GPX7: variants seen among roughly 807,000 people sequenced by gnomAD.
GPX7 encodes glutathione peroxidase 7.
Under a neutral mutation model 23.7 loss-of-function variants are expected in GPX7, and 21 were observed. The ratio of observed to expected loss-of-function variants is 0.89; its 90% confidence interval spans 0.63 to 1.28. The LOEUF (loss-of-function observed/expected upper bound fraction) is 1.28, where lower values mean the gene tolerates loss of function less well. Among genes scored for constraint, GPX7 ranks in the 50% most tolerant of loss-of-function variants. GPX7 has a pLI of 0.00. For synonymous variants in GPX7, 112 were observed against 101.8 expected (o/e 1.10, Z -0.61); for missense variants, 238 against 237.3 (o/e 1.00, Z -0.02).
At position 52,602,529 on chromosome 1, in the gene GPX7, G is replaced by A. The variant is rs139200335; in HGVS notation, c.120G>A (p.Leu40=). ...ACATCCGGGGCAAACTGGTGTCGCTGGAGAAGTACCGCGGATCGGTGAGTG... is the reference window on the plus strand; with the variant it reads ...ACATCCGGGGCAAACTGGTGTCGCTAGAGAAGTACCGCGGATCGGTGAGTG... The part of the protein sequence containing the change: ...AVNIRGKLVS[L]EKYRGSVSLV... Residue 40 remains leucine, a synonymous_variant, in exon 1 of 3, where the codon CTG becomes CTA. Transcript: ENST00000361314. The A allele has an allele frequency of 1.9e-4, 294 of 1,561,756 alleles. No homozygotes were observed. The African/African-American group carries it at 3.7e-3, about 20-fold the overall frequency.
Position 52,608,271 on chromosome 1 carries a change from G to A in GPX7, c.410G>A (p.Gly137Glu). 1 of 1,611,310 alleles carries A rather than the reference G, an allele frequency of 6.2e-7. No homozygotes were observed. The highest frequency in any genetic ancestry group is 8.5e-7 in the Non-Finnish European group (1 of 1,178,864). Residue 137 changes from glycine to glutamate, a missense_variant, in exon 3 of 3, where the codon GGG (glycine) becomes GAG (glutamate). Gly to Glu is a moderately conservative substitution (Grantham distance 98). Coordinates refer to ENST00000361314, the MANE Select transcript of GPX7 (RefSeq NM_015696.5). ...PAFKYLAQTS[G>E]KEPTWNFWKY... ...CTTCCTTTTTCTCTAGAGACTTCTG[G>A]GAAGGAGCCCACCTGGAACTTCTGG...
In GPX7 at chr1:52,608,405, C is replaced by G; in HGVS notation, c.544C>G (p.Leu182Val). The G allele has an allele frequency of 2.5e-6, 4 of 1,612,606 alleles. No homozygotes were observed. The highest frequency in any genetic ancestry group is 3.4e-6 in the Non-Finnish European group (4 of 1,179,394). ...ITALVRKLIL[L>V]KREDL ...AGCGCTCGTGAGGAAGCTCATCCTA[C>G]TGAAGCGAGAAGACTTATAACCACC... The change falls in exon 3 of 3, where the codon CTG (leucine) becomes GTG (valine). Residue 182 changes from leucine to valine, a missense_variant. Coordinates refer to ENST00000361314, the MANE Select transcript of GPX7 (RefSeq NM_015696.5).
At chr1:52,605,192 C>T (rs537056775) in intron 1 of GPX7, among the ~76,000 whole-genome samples, 1 of 152,144 alleles carries the variant, frequency 6.6e-6, no homozygotes, top group African/African-American at 2.4e-5. Context: ...GTATGCTGAC[C>T]TCAAATTGAG....
chr1:52,605,058 A>AG (rs1363765529), intron 1 of GPX7, among the ~76,000 whole-genome samples: 1 of 151,616 alleles, frequency 6.6e-6, no homozygotes, highest in African/African-American at 2.4e-5. Flanking sequence ...AAAAAAAAAA[A>AG]AAAAAAAAAA....
At chr1:52,608,203 G>C in intron 2 of GPX7, 59 bp from the exon 3 acceptor site, 1 of 1,482,212 alleles carries the variant, frequency 6.7e-7, no homozygotes, top group Non-Finnish European at 9.1e-7. Flanking sequence ...CACTGAGAGT[G>C]AAGTCCCAGG....
At chr1:52,606,547 T>C in intron 1 of GPX7, 137 bp from the exon 2 acceptor site, 2 of 895,432 alleles carry the variant, frequency 2.2e-6, no homozygotes, top group Non-Finnish European at 3.4e-6. Flanking sequence ...TACATATGTG[T>C]ACACAGTGTT....
In GPX7 at chr1:52,606,791, C is replaced by T. The variant is rs756804858; in HGVS notation, c.246C>T (p.Leu82=). The T allele has an allele frequency of 9.9e-6, 16 of 1,614,094 alleles. No homozygotes were observed. Among genetic ancestry groups the T allele is most frequent in the Non-Finnish European group, 1.3e-5 (15 of 1,180,040 alleles). Residue 82 remains leucine, a synonymous_variant, in exon 2 of 3, where the codon CTC becomes CTT. Transcript: ENST00000361314. ...RDLGPHHFNV[L]AFPCNQFGQQ... ...TGGGCCCCCACCACTTTAACGTGCT[C>T]GCCTTCCCCTGCAACCAGTTTGGCC...
chr1:52,606,629 C>T, intron 1 of GPX7, 55 bp from the exon 2 acceptor site: 2 of 1,584,286 alleles, frequency 1.3e-6, no homozygotes, highest in Non-Finnish European at 1.7e-6. Flanking sequence ...TGTACAGGTT[C>T]ATGCCTCTTC....
At chr1:52,603,815 A>C (rs1292151804) in intron 1 of GPX7, among the ~76,000 whole-genome samples, 2 of 152,140 alleles carry the variant, frequency 1.3e-5, no homozygotes, top group African/African-American at 4.8e-5. Context: ...TAAACTGTAG[A>C]GTGCTTTGCA....
intron 1 of GPX7, among the ~76,000 whole-genome samples, chr1:52,603,287 G>C (rs1460583713): frequency 6.9e-6 from 1 of 145,332 alleles, no homozygotes; most frequent in East Asian, 2.3e-4. Flanking sequence ...GAGAGGAAGG[G>C]TATCTGGGTT....
At position 52,606,868 on chromosome 1, in the gene GPX7, A is replaced by G; in HGVS notation, c.323A>G (p.Tyr108Cys). The G allele has an allele frequency of 1.2e-6, 2 of 1,614,190 alleles. No individual in the cohort carries two copies. Among genetic ancestry groups the G allele is most frequent in the South Asian group, 1.1e-5 (1 of 91,088 alleles). Reference protein sequence around the residue: ...KEIESFARRTYSVSFPMFSKI... With the variant: ...KEIESFARRTCSVSFPMFSKI... ...ATTGAGAGCTTTGCCCGCCGCACCT[A>G]CAGTGTCTCATTCCCCATGTTTAGC... The change falls in exon 2 of 3, where the codon TAC becomes TGC. Residue 108 changes from tyrosine to cysteine, a missense_variant. Coordinates refer to ENST00000361314, the MANE Select transcript of GPX7 (RefSeq NM_015696.5).
At chr1:52,607,067 T>G in intron 2 of GPX7, 122 bp downstream of exon 2, 1 of 930,124 alleles carries the variant, frequency 1.1e-6, no homozygotes, top group Non-Finnish European at 1.7e-6. Flanking sequence ...CCTGATCATC[T>G]CAGGTGGACT....
chr1:52,606,663 T>A, intron 1 of GPX7, 21 bp from the exon 2 acceptor site: 5 of 1,607,254 alleles, frequency 3.1e-6, no homozygotes, highest in Non-Finnish European at 4.2e-6. Context: ...GGCTTTGTTT[T>A]GTTTTGTTTC....
chr1:52,607,575 C>T (rs1237179062), intron 2 of GPX7, among the ~76,000 whole-genome samples: 2 of 152,204 alleles, frequency 1.3e-5, no homozygotes, highest in Non-Finnish European at 2.9e-5. Context: ...TTTCTGATTC[C>T]GTGCTTCTGG....
chr1:52,604,173 A>G (rs554303242), intron 1 of GPX7, among the ~76,000 whole-genome samples: 2 of 152,334 alleles, frequency 1.3e-5, no homozygotes, highest in African/African-American at 4.8e-5. Context: ...TAAGACAAAA[A>G]TAGAACAAGG....
chr1:52,602,601 C>A, intron 1 of GPX7, 54 bp downstream of exon 1: 2 of 1,243,284 alleles, frequency 1.6e-6, no homozygotes, highest in Non-Finnish European at 2.2e-6. Flanking sequence ...CCTGGCGGGG[C>A]CTGCTGGGGA....
chr1:52,602,905 A>C (rs922174082), intron 1 of GPX7, among the ~76,000 whole-genome samples: 35 of 152,260 alleles, frequency 2.3e-4, no homozygotes, highest in African/African-American at 8.2e-4. Context: ...GAAAAAAGTA[A>C]CCGTAGCATC....
chr1:52,602,679 C>G (rs1690812816), intron 1 of GPX7, 132 bp downstream of exon 1: 1 of 255,624 alleles, frequency 3.9e-6, no homozygotes, highest in Non-Finnish European at 6.8e-6. Flanking sequence ...CCGCCAAACC[C>G]CGGCCCCCGC....
chr1:52,606,074 A>T (rs1690849494), intron 1 of GPX7, among the ~76,000 whole-genome samples: 2 of 152,252 alleles, frequency 1.3e-5, no homozygotes, highest in African/African-American at 2.4e-5. Flanking sequence ...CTATGTTCCC[A>T]TGCAGGCGTT....
Sources: allele counts gnomAD v4.1 joint callset (sites outside exome capture counted in the v4.1 genomes callset), GRCh38; gene constraint gnomAD v4.1.1; transcripts MANE v1.5; gene names NCBI Gene and HGNC (gene_info 2026-07-23, HGNC 2026-07-21).